The following DENND1A variants were observed in gnomAD, a reference collection of about 807,000 sequenced individuals.
DENND1A encodes the protein DENN domain containing 1A.
Under a neutral mutation model 113.7 loss-of-function variants are expected in DENND1A, and 51 were observed. The ratio of observed to expected loss-of-function variants is 0.45; its 90% CI spans 0.36 to 0.57. The LOEUF is 0.57. DENND1A is among the 20% of genes least tolerant of loss of function. The pLI is 0.00. For synonymous variants in DENND1A, 565 were observed against 570.8 expected, an observed-to-expected ratio of 0.99 and a Z score of 0.14; for missense variants, 1,258 against 1,395.9, an observed-to-expected ratio of 0.90 and a Z score of 1.57.
intron 19 of DENND1A, among the ~76,000 whole-genome samples, chr9:123,434,894 G>C (rs935052650): frequency 6.6e-6 from 1 of 152,216 alleles, no homozygotes; most frequent in South Asian, 2.1e-4. Context: ...GGGAGTACCA[G>C]TTAGGAGCCT....
At chr9:123,487,046 C>T (rs1408802631) in intron 13 of DENND1A, among the ~76,000 whole-genome samples, 2 of 152,172 alleles carry the variant, frequency 1.3e-5, no homozygotes, top group Admixed American at 6.5e-5. Context: ...GAGGGACTCA[C>T]TTCAAGCTAG....
intron 5 of DENND1A, among the ~76,000 whole-genome samples, chr9:123,713,419 A>G (rs1403486457): frequency 6.6e-6 from 1 of 152,222 alleles, no homozygotes; most frequent in Non-Finnish European, 1.5e-5. Flanking sequence ...GATGTGGCAG[A>G]TAAGAGATTT....
intron 13 of DENND1A, among the ~76,000 whole-genome samples, chr9:123,487,837 G>GAA (rs2133904747): frequency 6.6e-6 from 1 of 152,360 alleles, no homozygotes; most frequent in East Asian, 1.9e-4. Flanking sequence ...CCTTATGTTT[G>GAA]ATGTACTATC....
At chr9:123,613,072 C>T (rs2060487317) in intron 10 of DENND1A, among the ~76,000 whole-genome samples, 1 of 147,718 alleles carries the variant, frequency 6.8e-6, no homozygotes, top group South Asian at 2.2e-4. Flanking sequence ...ATGGGAGGTG[C>T]TTGACAGGCA....
chr9:123,659,312 C>G (rs1401124792), intron 8 of DENND1A, among the ~76,000 whole-genome samples: 1 of 152,174 alleles, frequency 6.6e-6, no homozygotes, highest in Non-Finnish European at 1.5e-5. Context: ...GGCAGCGGAG[C>G]CCTGGGCTCC....
At chr9:123,854,700 A>AT (rs1325115497) in intron 2 of DENND1A, among the ~76,000 whole-genome samples, 1 of 150,722 alleles carries the variant, frequency 6.6e-6, no homozygotes, top group Non-Finnish European at 1.5e-5. Context: ...GTCTCAAAAA[A>AT]AAAATAAAAA....
chr9:123,489,297 TC>T (rs1246781679), intron 13 of DENND1A, among the ~76,000 whole-genome samples: 3 of 152,218 alleles, frequency 2.0e-5, no homozygotes, highest in African/African-American at 4.8e-5. Context: ...GTGGAGGCAC[TC>T]CGTGTGAGCC....
At chr9:123,604,567 C>T (rs2060068088) in intron 11 of DENND1A, among the ~76,000 whole-genome samples, 1 of 152,112 alleles carries the variant, frequency 6.6e-6, no homozygotes, top group Non-Finnish European at 1.5e-5. Flanking sequence ...ATATGCTGTC[C>T]ATATACAGGA....
chr9:123,880,484 G>A (rs966551555), intron 1 of DENND1A, among the ~76,000 whole-genome samples: 1 of 152,146 alleles, frequency 6.6e-6, no homozygotes, highest in African/African-American at 2.4e-5. Context: ...TCAAATATCT[G>A]TAACTTAATT....
chr9:123,543,514 T>C (rs1268006376), intron 13 of DENND1A, among the ~76,000 whole-genome samples: 1 of 152,216 alleles, frequency 6.6e-6, no homozygotes, highest in Admixed American at 6.5e-5. Context: ...TGCTGAATCC[T>C]GTAGAGGCCA....
intron 2 of DENND1A, among the ~76,000 whole-genome samples, chr9:123,811,329 TG>T (rs1440429224): frequency 6.6e-6 from 1 of 152,210 alleles, no homozygotes; most frequent in Non-Finnish European, 1.5e-5. Flanking sequence ...CTGAAGGATC[TG>T]GGGAAATAAG....
intron 12 of DENND1A, among the ~76,000 whole-genome samples, chr9:123,560,053 C>T (rs2057650336): frequency 6.6e-6 from 1 of 152,204 alleles, no homozygotes; most frequent in East Asian, 1.9e-4. Context: ...TAATATTCCA[C>T]TGTATGGATA....
chr9:123,620,319 T>A (rs1025648500), intron 10 of DENND1A, among the ~76,000 whole-genome samples: 1 of 151,800 alleles, frequency 6.6e-6, no homozygotes, highest in Admixed American at 6.6e-5. Context: ...TCTTGGGTGC[T>A]GCTCAAGGAA....
At chr9:123,601,460 C>A (rs1004209022) in intron 11 of DENND1A, among the ~76,000 whole-genome samples, 4 of 152,212 alleles carry the variant, frequency 2.6e-5, no homozygotes, top group Non-Finnish European at 5.9e-5. Flanking sequence ...TTCCTCGAGG[C>A]CTAAGGTGAG....
chr9:123,902,819 T>A (rs549020958), intron 1 of DENND1A, among the ~76,000 whole-genome samples: 109 of 137,556 alleles, frequency 7.9e-4, no homozygotes, highest in Admixed American at 2.4e-3. Context: ...TTTTTTTTTT[T>A]AAAAAGGCCA....
At chr9:123,400,993 G>C (rs1401711574) in intron 21 of DENND1A, 1 of 152,150 alleles carries the variant, frequency 6.6e-6, no homozygotes, top group Non-Finnish European at 1.5e-5. Flanking sequence ...ATTCCCAGTG[G>C]AGATGAAGAT....
intron 5 of DENND1A, among the ~76,000 whole-genome samples, chr9:123,684,210 C>T (rs1369391712): frequency 2.6e-5 from 4 of 152,150 alleles, no homozygotes; most frequent in Non-Finnish European, 4.4e-5. Context: ...TTCAAGCACA[C>T]GTGAACCCTT....
At chr9:123,755,273 C>T (rs1000990861) in intron 5 of DENND1A, among the ~76,000 whole-genome samples, 2 of 151,968 alleles carry the variant, frequency 1.3e-5, no homozygotes, top group African/African-American at 4.8e-5. Context: ...CAGGCACCTG[C>T]CACCACTCCG....
At chr9:123,710,538 C>CACACACAA (rs1398658299) in intron 5 of DENND1A, among the ~76,000 whole-genome samples, 1 of 149,762 alleles carries the variant, frequency 6.7e-6, no homozygotes, top group Non-Finnish European at 1.5e-5. Context: ...TCATTAAACA[C>CACACACAA]ACACACACAC....
Sources: allele counts gnomAD v4.1 joint callset (sites outside exome capture counted in the v4.1 genomes callset), GRCh38; gene constraint gnomAD v4.1.1; transcripts MANE v1.5; gene names NCBI Gene and HGNC (gene_info 2026-07-23, HGNC 2026-07-21).